GCC1: variants seen among roughly 807,000 people sequenced by gnomAD.
GCC1 encodes the protein GRIP and coiled-coil domain containing 1, also known as GRIP and coiled-coil domain-containing protein 1.
A neutral mutation model predicts 62.5 loss-of-function variants in GCC1; 36 were observed. That is an observed-to-expected ratio of 0.58 (90% confidence interval 0.44 to 0.76). The LOEUF (loss-of-function observed/expected upper bound fraction) is 0.76, where lower values mean the gene tolerates loss of function less well. Ranked by LOEUF, GCC1 falls within the 30% of genes least tolerant of loss-of-function variation. The pLI is 0.00. For missense variants in GCC1, 885 were observed against 948.3 expected, an observed-to-expected ratio of 0.93 and a Z score of 0.88; for synonymous variants, 391 against 386.8, an observed-to-expected ratio of 1.01 and a Z score of -0.13.
chr7:127,584,011 G>T, intron 1 of GCC1, 140 bp downstream of exon 1: 1 of 713,078 alleles, frequency 1.4e-6, no homozygotes, highest in Non-Finnish European at 2.3e-6. Flanking sequence ...GGACTTCCCA[G>T]GTTCACTAGT....
Position 127,582,128 on chromosome 7 carries a change from G to T in GCC1, c.2214C>A (p.Gly738=). 1 of 1,614,148 alleles carries T rather than the reference G, an allele frequency of 6.2e-7. No individual in the cohort carries two copies. Among genetic ancestry groups the T allele is most frequent in the Non-Finnish European group, 8.5e-7 (1 of 1,180,012 alleles). ...GTATGGCTGTGAGAGTCTGCTGGCGGCCCAGGGAGTCAGGTAAGGTCAGGA... is the reference window on the plus strand; with the variant it reads ...GTATGGCTGTGAGAGTCTGCTGGCGTCCCAGGGAGTCAGGTAAGGTCAGGA... ...YRFLTLPDSL[G]RQQTLTAILT... Residue 738 remains glycine (G), a synonymous_variant, in exon 2 of 2, where the codon GGC becomes GGA. Coordinates refer to ENST00000321407, the MANE Select transcript of GCC1 (RefSeq NM_024523.6). The surrounding 1 kb of genome is among the most constrained non-coding windows in gnomAD (Gnocchi z 4.8).
chr7:127,584,242 T>C lies in GCC1; in HGVS notation c.941A>G (p.Asn314Ser), dbSNP rs1421770738. The C allele has an allele frequency of 6.2e-7, 1 of 1,613,864 alleles. No individual in the cohort carries two copies. The highest frequency in any genetic ancestry group is 2.2e-5 in the East Asian group (1 of 44,870). ...TTCTTGCAGCCGGGGATCTGGCTGATTCTTCTCATCTCGAATGGCCTGCAG... is the reference window on the plus strand; with the variant it reads ...TTCTTGCAGCCGGGGATCTGGCTGACTCTTCTCATCTCGAATGGCCTGCAG... ...SELQAIRDEKNQPDPRLQELQ... is the reference protein window; with the variant it reads ...SELQAIRDEKSQPDPRLQELQ... Residue 314 changes from asparagine to serine, a missense_variant, in exon 1 of 2, where the codon AAT becomes AGT. Coordinates refer to ENST00000321407, the MANE Select transcript of GCC1 (RefSeq NM_024523.6).
intron 1 of GCC1, 93 bp from the exon 2 acceptor site, chr7:127,583,402 T>G: frequency 3.2e-5 from 32 of 998,140 alleles, no homozygotes; most frequent in Non-Finnish European, 4.3e-5. Flanking sequence ...GGTCACAGGT[T>G]TGGGATGGCC....
At position 127,585,087 on chromosome 7, in the gene GCC1, C is replaced by G. The variant is rs376445900; in HGVS notation, c.96G>C (p.Gln32His). The change falls in exon 1 of 2, where the codon CAG becomes CAC. Residue 32 changes from glutamine to histidine, a missense_variant. Coordinates refer to ENST00000321407, the MANE Select transcript of GCC1 (RefSeq NM_024523.6). ...ETQKKQLLQY[Q>H]ARLKDVVRAY... The stretch of plus-strand genomic sequence containing the variant: ...CACGGACCACATCCTTGAGCCGTGC[C>G]TGGTACTGGAGAAGCTGCTTCTTCT... 2 of 1,614,068 alleles carry G rather than the reference C, an allele frequency of 1.2e-6. No individual in the cohort carries two copies. Among genetic ancestry groups the G allele is most frequent in the Admixed American group, 1.7e-5 (1 of 60,008 alleles).
Position 127,581,784 on chromosome 7 carries a change from T to G in GCC1, c.*230A>C, listed in dbSNP as rs531586130. ...GTCCTAACCTCATCTTCTCCTCACA[T>G]GCACACCATCAGAAGATACTGCCCC... On this transcript the variant is annotated 3_prime_UTR_variant, in exon 2 of 2. Transcript: ENST00000321407. The G allele has an allele frequency of 1.8e-6, 1 of 556,132 alleles. No homozygotes were observed. The highest frequency in any genetic ancestry group is 2.2e-5 in the South Asian group (1 of 44,536). 34.4% of individuals were successfully genotyped at this position (556,132 alleles called of 1,614,324 possible). A position where few individuals can be genotyped will look rare whatever the true frequency, so the allele number is the denominator to read the frequency against.
chr7:127,585,038 T>C lies in GCC1; in HGVS notation c.145A>G (p.Lys49Glu). 1 of 1,614,114 alleles carries C rather than the reference T, an allele frequency of 6.2e-7. No homozygotes were observed. Among genetic ancestry groups the C allele is most frequent in the Non-Finnish European group, 8.5e-7 (1 of 1,180,014 alleles). Residue 49 changes from lysine (K) to glutamate (E), a missense_variant, in exon 1 of 2, where the codon AAA (lysine) becomes GAA (glutamate). Transcript: ENST00000321407. ...VRAYKSLLKE[K>E]EALEASIKVL... is the part of the protein sequence containing the mutation. ...TTGATGCTGGCCTCTAATGCCTCTT[T>C]CTCCTTCAGCAGGCTTTTATAGGCA...
Position 127,585,210 on chromosome 7 carries a change from C to A in GCC1, c.-28G>T. The stretch of plus-strand genomic sequence containing the variant: ...AGGGTCTGAACGGATTGCCCCACGT[C>A]AGCTTTCCAGCAGAACGGGAGAGGG... On this transcript the variant is annotated 5_prime_UTR_variant, in exon 1 of 2. Coordinates refer to ENST00000321407, the MANE Select transcript of GCC1 (RefSeq NM_024523.6). 1 of 1,539,974 alleles carries A rather than the reference C, an allele frequency of 6.5e-7. No homozygotes were observed. The highest frequency in any genetic ancestry group is 1.3e-5 in the South Asian group (1 of 79,890).
chr7:127,585,033 C>T lies in GCC1; in HGVS notation c.150G>A (p.Glu50=). Residue 50 remains glutamate (E), a synonymous_variant, in exon 1 of 2, where the codon GAG becomes GAA. Coordinates refer to ENST00000321407, the MANE Select transcript of GCC1 (RefSeq NM_024523.6). ...GCACCTTGATGCTGGCCTCTAATGC[C>T]TCTTTCTCCTTCAGCAGGCTTTTAT... is the stretch of plus-strand genomic sequence containing the variant. ...RAYKSLLKEK[E]ALEASIKVLS... is the part of the protein sequence containing the mutation. The T allele has an allele frequency of 6.2e-7, 1 of 1,614,204 alleles. No individual in the cohort carries two copies. Among genetic ancestry groups the T allele is most frequent in the East Asian group, 2.2e-5 (1 of 44,868 alleles).
rs890689823 is a variant in GCC1, at chr7:127,583,056, A to C, written c.1286T>G (p.Val429Gly). 6.8e-6 allele frequency: 11 copies of C among 1,613,924 alleles called. No individual in the cohort carries two copies. The highest frequency in any genetic ancestry group is 1.3e-5 in the African/African-American group (1 of 74,880). ...DSHGEESSLD[V>G]NVLKDKMEKL... ...CTCCATCTTATCTTTCAGGACATTG[A>C]CATCCAGACTGGACTCCTCTCCATG... Residue 429 changes from valine (V) to glycine (G), a missense_variant, in exon 2 of 2, where the codon GTC (valine) becomes GGC (glycine). Coordinates refer to ENST00000321407, the MANE Select transcript of GCC1 (RefSeq NM_024523.6).
Position 127,584,444 on chromosome 7 carries a change from G to C in GCC1, c.739C>G (p.Leu247Val), listed in dbSNP as rs1197969059. ...TGCAGCAGCTTCTGGAGCTCACGCA[G>C]CATCAAGGCATGGTCACTCTGCTCT... ...AQEQSDHALM[L>V]RELQKLLQEE... Residue 247 changes from leucine (L) to valine (V), a missense_variant, in exon 1 of 2, where the codon CTG (leucine) becomes GTG (valine). Leu to Val is a conservative substitution (Grantham distance 32). Coordinates refer to ENST00000321407, the MANE Select transcript of GCC1 (RefSeq NM_024523.6). 6.2e-7 allele frequency: 1 copy of C among 1,614,008 alleles called. No individual in the cohort carries two copies. Among genetic ancestry groups the C allele is most frequent in the Middle Eastern group, 1.6e-4 (1 of 6,062 alleles).
rs1168364851 is a variant in GCC1 at position 127,585,010 on chromosome 7, A to G, written c.173T>C (p.Val58Ala). ...ATCTGCCTCGTGGGATACCGACAGC[A>G]CCTTGATGCTGGCCTCTAATGCCTC... Reference protein sequence around the residue: ...EKEALEASIKVLSVSHEADVG... With the variant: ...EKEALEASIKALSVSHEADVG... The change falls in exon 1 of 2, where the codon GTG becomes GCG. Residue 58 changes from valine (V) to alanine (A), a missense_variant. By Grantham distance (64) the Val-to-Ala change is moderately conservative. Coordinates refer to ENST00000321407, the MANE Select transcript of GCC1 (RefSeq NM_024523.6). The G allele has an allele frequency of 1.2e-6, 2 of 1,614,152 alleles. No homozygotes were observed. The highest frequency in any genetic ancestry group is 1.7e-6 in the Non-Finnish European group (2 of 1,180,022).
chr7:127,583,321 G>A lies in GCC1; in HGVS notation c.1033-12C>T. The A allele has an allele frequency of 3.2e-6, 5 of 1,571,070 alleles. No homozygotes were observed. Among genetic ancestry groups the A allele is most frequent in the Non-Finnish European group, 4.3e-6 (5 of 1,158,094 alleles). On this transcript the variant is annotated splice_polypyrimidine_tract_variant and intron_variant, in intron 1 of 1. Transcript: ENST00000321407. Reference sequence around the variant, plus strand: ...TCTGCAAGAGCTGTCTGCAAAACAAGGGAACAGACAAAAATGCATCCACAA... The same window carrying A: ...TCTGCAAGAGCTGTCTGCAAAACAAAGGAACAGACAAAAATGCATCCACAA...
chr7:127,584,944 G>A lies in GCC1; in HGVS notation c.239C>T (p.Pro80Leu). 1 of 1,614,182 alleles carries A rather than the reference G, an allele frequency of 6.2e-7. No individual in the cohort carries two copies. Among genetic ancestry groups the A allele is most frequent in the Non-Finnish European group, 8.5e-7 (1 of 1,180,042 alleles). The change falls in exon 1 of 2, where the codon CCT becomes CTT. Residue 80 changes from proline to leucine, a missense_variant. Physicochemically the swap from Pro to Leu is moderately conservative, Grantham distance 98 (BLOSUM62 -3). Transcript: ENST00000321407. ...GGAGCACCGGTCATCCACAGAGTCA[G>A]GAAAGGTGAGGCCTGGAAGCTGGAC... is the stretch of plus-strand genomic sequence containing the variant. ...AGVQLPGLTF[P>L]DSVDDRCSTH...
At position 127,584,923 on chromosome 7, in the gene GCC1, C is replaced by T. The variant is rs775441390; in HGVS notation, c.260G>A (p.Cys87Tyr). The T allele has an allele frequency of 6.2e-7, 1 of 1,614,142 alleles. No individual in the cohort carries two copies. Among genetic ancestry groups the T allele is most frequent in the Admixed American group, 1.7e-5 (1 of 60,030 alleles). The change falls in exon 1 of 2, where the codon TGC becomes TAC. Residue 87 changes from cysteine to tyrosine, a missense_variant. Transcript: ENST00000321407. ...LTFPDSVDDR[C>Y]STHSEDSTGT... ...AGTGCTATCCTCGCTGTGAGTGGAG[C>T]ACCGGTCATCCACAGAGTCAGGAAA...
At position 127,582,900 on chromosome 7, in the gene GCC1, T is replaced by C; in HGVS notation, c.1442A>G (p.Tyr481Cys). 1 of 1,614,162 alleles carries C rather than the reference T, an allele frequency of 6.2e-7. No individual in the cohort carries two copies. Among genetic ancestry groups the C allele is most frequent in the South Asian group, 1.1e-5 (1 of 91,084 alleles). ...CTTCAGCTGTTTCAGCTCCTGTTGG[T>C]AATAGAGTGCAGTAGCCTTCTCCCC... ...ADGEKATALY[Y>C]QQELKQLKEE... Residue 481 changes from tyrosine to cysteine, a missense_variant, in exon 2 of 2, where the codon TAC becomes TGC. Physicochemically the swap from Tyr to Cys is radical, Grantham distance 194 (BLOSUM62 -2). Transcript: ENST00000321407. This position sits in a 1 kb window ranked among gnomAD's most constrained non-coding sequence, Gnocchi z 4.8.
rs572662067 is a variant in GCC1, at chr7:127,584,953, A to G, written c.230T>C (p.Leu77Pro). ...VGLAGVQLPG[L>P]TFPDSVDDRC... ...GTCATCCACAGAGTCAGGAAAGGTG[A>G]GGCCTGGAAGCTGGACACCTGCGAG... The change falls in exon 1 of 2, where the codon CTC (leucine) becomes CCC (proline). Residue 77 changes from leucine to proline, a missense_variant. Coordinates refer to ENST00000321407, the MANE Select transcript of GCC1 (RefSeq NM_024523.6). The G allele has an allele frequency of 1.9e-6, 3 of 1,614,150 alleles. No homozygotes were observed. Among genetic ancestry groups the G allele is most frequent in the Non-Finnish European group, 2.5e-6 (3 of 1,180,030 alleles).
chr7:127,584,707 T>G lies in GCC1; in HGVS notation c.476A>C (p.His159Pro). 1 of 1,614,214 alleles carries G rather than the reference T, an allele frequency of 6.2e-7. No homozygotes were observed. The highest frequency in any genetic ancestry group is 8.5e-7 in the Non-Finnish European group (1 of 1,180,036). Reference protein sequence around the residue: ...FAGGEVDKRLHQLKTQLATLT... With the variant: ...FAGGEVDKRLPQLKTQLATLT... ...AGTAGCCAACTGAGTCTTCAGCTGG[T>G]GCAGTCTTTTGTCCACCTCCCCACC... Residue 159 changes from histidine to proline, a missense_variant, in exon 1 of 2, where the codon CAC becomes CCC. Coordinates refer to ENST00000321407, the MANE Select transcript of GCC1 (RefSeq NM_024523.6).
In GCC1 at chr7:127,583,027, G is replaced by C; in HGVS notation, c.1315C>G (p.Leu439Val). The C allele has an allele frequency of 6.2e-7, 1 of 1,614,152 alleles. No homozygotes were observed. The highest frequency in any genetic ancestry group is 8.5e-7 in the Non-Finnish European group (1 of 1,180,028). The change falls in exon 2 of 2, where the codon CTG becomes GTG. Residue 439 changes from leucine (L) to valine (V), a missense_variant. Leu to Val is a conservative substitution (Grantham distance 32, BLOSUM62 1). Coordinates refer to ENST00000321407, the MANE Select transcript of GCC1 (RefSeq NM_024523.6). The part of the protein sequence containing the change: ...VNVLKDKMEK[L>V]KRLLQVAARK... ...GCCGCAACCTGCAGCAGCCTCTTCA[G>C]CTTCTCCATCTTATCTTTCAGGACA... is the stretch of plus-strand genomic sequence containing the variant.
At position 127,584,716 on chromosome 7, in the gene GCC1, T is replaced by C. The variant is rs1226566661; in HGVS notation, c.467A>G (p.Lys156Arg). Residue 156 changes from lysine (K) to arginine (R), a missense_variant, in exon 1 of 2, where the codon AAA (lysine) becomes AGA (arginine). Transcript: ENST00000321407. ...CTGAGTCTTCAGCTGGTGCAGTCTT[T>C]TGTCCACCTCCCCACCTGCAAATGG... is the stretch of plus-strand genomic sequence containing the variant. The part of the protein sequence containing the change: ...DGPFAGGEVD[K>R]RLHQLKTQLA... 3 of 1,614,148 alleles carry C rather than the reference T, an allele frequency of 1.9e-6. No homozygotes were observed. The East Asian group carries it at 6.7e-5, about 36-fold the overall frequency.
Sources: gnomAD v4.1 joint callset for allele counts on GRCh38, gnomAD v4.1.1 for gene constraint, Gnocchi (gnomAD v3.1) non-coding constraint, MANE v1.5 for transcripts, NCBI Gene and HGNC (gene_info 2026-07-23, HGNC 2026-07-21) for gene names.